TSPEAR: variants seen among roughly 807,000 people sequenced by gnomAD.
TSPEAR encodes thrombospondin type laminin G domain and EAR repeats.
In TSPEAR, 69 loss-of-function variants were observed where a neutral mutation model predicts 71.6. The ratio of observed to expected loss-of-function variants is 0.96; its 90% confidence interval spans 0.79 to 1.18. The LOEUF is 1.18. Among genes scored for constraint, TSPEAR ranks in the 50% most tolerant of loss-of-function variants. TSPEAR has a pLI of 0.00. For missense variants in TSPEAR, 971 were observed against 894.9 expected (o/e 1.09, Z -1.09); for synonymous variants, 402 against 387.2 (o/e 1.04, Z -0.45).
intron 1 of TSPEAR, among the ~76,000 whole-genome samples, chr21:44,605,971 A>G (rs1981278190): frequency 6.6e-6 from 1 of 152,134 alleles, no homozygotes; most frequent in African/African-American, 2.4e-5. Context: ...CAAACGAAAA[A>G]GCTGTACAGC....
At chr21:44,651,379 A>G (rs1339440325) in intron 1 of TSPEAR, among the ~76,000 whole-genome samples, 3 of 152,172 alleles carry the variant, frequency 2.0e-5, no homozygotes, top group Non-Finnish European at 4.4e-5. Flanking sequence ...CCACAAACTT[A>G]GTAGCTTCGA....
intron 11 of TSPEAR, among the ~76,000 whole-genome samples, chr21:44,502,313 A>G (rs868962818): frequency 2.0e-5 from 3 of 152,228 alleles, no homozygotes; most frequent in Non-Finnish European, 2.9e-5. Flanking sequence ...CTAGGGAAGC[A>G]AGCTACATAA....
chr21:44,508,981 C>T, intron 10 of TSPEAR: 1 of 1,532,354 alleles, frequency 6.5e-7, no homozygotes, highest in Non-Finnish European at 8.8e-7. Flanking sequence ...GCTCTGGGAA[C>T]CAAACCTGTG....
At chr21:44,572,934 A>T (rs1555922849) in intron 1 of TSPEAR, among the ~76,000 whole-genome samples, 2 of 151,184 alleles carry the variant, frequency 1.3e-5, no homozygotes, top group African/African-American at 4.9e-5. Flanking sequence ...AGGCCACTGT[A>T]AGCCAAGGAC....
chr21:44,597,433 T>TTTCTTTC (rs879978235), intron 1 of TSPEAR, among the ~76,000 whole-genome samples: 1 of 141,232 alleles, frequency 7.1e-6, no homozygotes, highest in African/African-American at 3.0e-5. Flanking sequence ...TCTTTCTTTC[T>TTTCTTTC]TTTCTTTTTT....
rs2053300026 is a variant in TSPEAR at position 44,546,127 on chromosome 21, T to C, written c.304-12204A>G. Reference sequence around the variant, plus strand: ...GACCTTACATTAATAAAAAGGATTATAAGGAATACTATGAAAATTTGTACA... The same window carrying C: ...GACCTTACATTAATAAAAAGGATTACAAGGAATACTATGAAAATTTGTACA... On this transcript the variant is annotated intron_variant, in intron 2 of 11. Coordinates refer to ENST00000323084, the MANE Select transcript of TSPEAR (RefSeq NM_144991.3). The surrounding 1 kb of genome is among the most constrained non-coding windows in gnomAD (Gnocchi z 4.4). Among the ~76,000 whole-genome samples the C allele has an allele frequency of 6.6e-6, 1 of 152,226 alleles. No homozygotes were observed. The highest frequency in any genetic ancestry group is 6.5e-5 in the Admixed American group (1 of 15,284).
chr21:44,553,500 G>A (rs587769534), intron 2 of TSPEAR, among the ~76,000 whole-genome samples: 2 of 152,040 alleles, frequency 1.3e-5, no homozygotes, highest in African/African-American at 4.8e-5. Context: ...TCTTCCAAAC[G>A]CCGAGGTAAA....
At chr21:44,690,041 T>C (rs1449033250) in intron 1 of TSPEAR, among the ~76,000 whole-genome samples, 1 of 152,092 alleles carries the variant, frequency 6.6e-6, no homozygotes, top group African/African-American at 2.4e-5. Context: ...TGAATCTCCT[T>C]TGGCAACACC....
chr21:44,684,803 AG>A (rs1986781329), intron 1 of TSPEAR, among the ~76,000 whole-genome samples: 1 of 152,268 alleles, frequency 6.6e-6, no homozygotes, highest in South Asian at 2.1e-4. Flanking sequence ...TAAATATCAA[AG>A]ATGCATCCTC....
At chr21:44,508,588 T>C in intron 10 of TSPEAR, 1 of 1,175,144 alleles carries the variant, frequency 8.5e-7, no homozygotes, top group African/African-American at 1.6e-5. Flanking sequence ...GGTTGTGGAT[T>C]CTCAGTGCCC....
intron 1 of TSPEAR, among the ~76,000 whole-genome samples, chr21:44,594,400 C>T (rs1287137401): frequency 6.6e-6 from 1 of 152,182 alleles, no homozygotes; most frequent in African/African-American, 2.4e-5. Flanking sequence ...GGGCGAGGGA[C>T]CTGCACACTA....
intron 2 of TSPEAR, among the ~76,000 whole-genome samples, chr21:44,560,941 A>G (rs1555920944): frequency 6.6e-6 from 1 of 152,230 alleles, no homozygotes; most frequent in African/African-American, 2.4e-5. Flanking sequence ...GCAAGAGCAA[A>G]CAAATCCAAA....
chr21:44,547,115 G>A (rs182679895), intron 2 of TSPEAR, among the ~76,000 whole-genome samples: 31 of 152,218 alleles, frequency 2.0e-4, no homozygotes, highest in Non-Finnish European at 3.2e-4. Flanking sequence ...ATATTAATTC[G>A]TCTGTCTTTA....
At position 44,499,149 on chromosome 21, in the gene TSPEAR, GC is replaced by G. The variant is rs1356406555; in HGVS notation, c.*633del. The G allele has an allele frequency of 2.6e-5, 4 of 152,348 alleles. No individual in the cohort carries two copies. In the East Asian group the frequency reaches 5.8e-4, roughly 22 times the overall value. 9.4% of individuals were successfully genotyped at this position (152,348 alleles called of 1,614,324 possible). On this transcript the variant is annotated 3_prime_UTR_variant, in exon 12 of 12. Transcript: ENST00000323084. ...GGGGAGGGGGTGCGACCCAGGCCAT[GC>G]CCAGGCTTGTGATTTCTGACCTCGC...
In TSPEAR at chr21:44,533,781, C is replaced by G. The variant is rs782337188; in HGVS notation, c.446G>C (p.Ser149Thr). 6.2e-7 allele frequency: 1 copy of G among 1,612,488 alleles called. No individual in the cohort carries two copies. Among genetic ancestry groups the G allele is most frequent in the South Asian group, 1.1e-5 (1 of 91,072 alleles). ...GAWQTRVSFR[S>T]PALVDGRWHT... ...CCAGCGGCCATCCACCAGGGCCGGG[C>G]TGCGGAAGGACACTCGGGTCTGCCA... Residue 149 changes from serine to threonine, a missense_variant, in exon 3 of 12, where the codon AGC (serine) becomes ACC (threonine). Coordinates refer to ENST00000323084, the MANE Select transcript of TSPEAR (RefSeq NM_144991.3).
At chr21:44,601,553 T>A in intron 1 of TSPEAR, 1 of 1,613,352 alleles carries the variant, frequency 6.2e-7, no homozygotes, top group South Asian at 1.1e-5. Context: ...TCCGTGTCCC[T>A]CCTCTGCCGC....
At chr21:44,522,986 G>A (rs897752297) in intron 8 of TSPEAR, among the ~76,000 whole-genome samples, 20 of 152,170 alleles carry the variant, frequency 1.3e-4, no homozygotes, top group Admixed American at 5.9e-4. Flanking sequence ...TTGTCAGTCA[G>A]TCAGATAGTC....
chr21:44,700,886 C>A (rs1413539865), intron 1 of TSPEAR, among the ~76,000 whole-genome samples: 1 of 152,190 alleles, frequency 6.6e-6, no homozygotes, highest in East Asian at 1.9e-4. Context: ...ATGACCCCAT[C>A]TTGCAGAAAA....
At chr21:44,564,819 C>G (rs2053682422) in intron 2 of TSPEAR, among the ~76,000 whole-genome samples, 1 of 152,142 alleles carries the variant, frequency 6.6e-6, no homozygotes, top group Non-Finnish European at 1.5e-5. Context: ...CACCTGATGA[C>G]AGCAGAATAT....
Sources: allele counts gnomAD v4.1 joint callset (sites outside exome capture counted in the v4.1 genomes callset), GRCh38; gene constraint gnomAD v4.1.1; non-coding constraint Gnocchi (gnomAD v3.1); transcripts MANE v1.5; gene names NCBI Gene and HGNC (gene_info 2026-07-23, HGNC 2026-07-21).